The following ZNF423 variants were observed in gnomAD, a reference collection of about 807,000 sequenced individuals.
The protein encoded by ZNF423 is zinc finger protein 423, also known as Ebf-associated zinc finger protein.
In ZNF423, 12 loss-of-function variants were observed where a neutral mutation model predicts 95.8. The ratio of observed to expected loss-of-function variants is 0.13; its 90% confidence interval spans 0.08 to 0.20. The LOEUF is 0.20. Among genes scored for constraint, ZNF423 ranks in the 10% least tolerant of loss-of-function variants. The probability of loss-of-function intolerance (pLI) is 1.00; values close to 1 mark genes in which losing one functional copy is unlikely to be tolerated. For missense variants in ZNF423, 1,316 were observed against 1,737.1 expected (o/e 0.76, Z 4.31); for synonymous variants, 749 against 711.9 (o/e 1.05, Z -0.83).
chr16:49,513,565 T>C (rs1967985913), intron 7 of ZNF423, among the ~76,000 whole-genome samples: 1 of 152,156 alleles, frequency 6.6e-6, no homozygotes, highest in Non-Finnish European at 1.5e-5. Context: ...TTCTTCCTTT[T>C]CCTCCTTTCC....
chr16:49,771,415 G>T (rs2034033321), intron 2 of ZNF423, among the ~76,000 whole-genome samples: 1 of 151,874 alleles, frequency 6.6e-6, no homozygotes, highest in Non-Finnish European at 1.5e-5. Context: ...ATGGTGGCCG[G>T]GCTGGTCTTG....
At chr16:49,646,448 T>TACAC (rs1973170000) in intron 3 of ZNF423, among the ~76,000 whole-genome samples, 2 of 152,176 alleles carry the variant, frequency 1.3e-5, no homozygotes, top group South Asian at 4.2e-4. Flanking sequence ...CATCAGTGTA[T>TACAC]TGAGGGCAAG....
At chr16:49,746,139 T>G (rs549160361) in intron 2 of ZNF423, among the ~76,000 whole-genome samples, 2 of 152,150 alleles carry the variant, frequency 1.3e-5, no homozygotes, top group South Asian at 4.2e-4. Flanking sequence ...CAACTCTGTG[T>G]GGAGGGCATT....
chr16:49,712,126 A>T (rs550181535), intron 3 of ZNF423, among the ~76,000 whole-genome samples: 12 of 152,322 alleles, frequency 7.9e-5, no homozygotes, highest in Admixed American at 1.3e-4. Flanking sequence ...CTATTTAAAA[A>T]AATAATAATA....
chr16:49,715,257 C>T (rs1739154794), intron 3 of ZNF423, among the ~76,000 whole-genome samples: 2 of 152,138 alleles, frequency 1.3e-5, no homozygotes, highest in South Asian at 2.1e-4. Context: ...ATGTGTTTGG[C>T]GTTGAAGGGA....
intron 1 of ZNF423, among the ~76,000 whole-genome samples, chr16:49,832,081 G>C (rs116302903): frequency 6.6e-6 from 1 of 152,118 alleles, no homozygotes. Context: ...CTCCATAAAG[G>C]CACCAAATAT....
intron 5 of ZNF423, among the ~76,000 whole-genome samples, chr16:49,625,000 G>C (rs1972210086): frequency 6.6e-6 from 1 of 152,204 alleles, no homozygotes; most frequent in African/African-American, 2.4e-5. Context: ...CGCAGTAAAG[G>C]GTTTTGTAAA....
At chr16:49,588,226 G>A (rs773170488) in intron 5 of ZNF423, among the ~76,000 whole-genome samples, 1 of 152,200 alleles carries the variant, frequency 6.6e-6, no homozygotes, top group Non-Finnish European at 1.5e-5. Flanking sequence ...TGTACTGGGG[G>A]TCAACTCCTG....
chr16:49,627,742 C>T (rs1972349046), intron 4 of ZNF423, among the ~76,000 whole-genome samples: 1 of 149,610 alleles, frequency 6.7e-6, no homozygotes, highest in Non-Finnish European at 1.5e-5. Context: ...ATCTACCCGC[C>T]CATCCATCTA....
intron 5 of ZNF423, among the ~76,000 whole-genome samples, chr16:49,535,980 A>G (rs1339543695): frequency 1.3e-5 from 2 of 152,224 alleles, no homozygotes; most frequent in Non-Finnish European, 2.9e-5. Context: ...CCAGGGACAC[A>G]TGAATTACCC....
At chr16:49,838,460 A>T (rs776528575) in intron 1 of ZNF423, among the ~76,000 whole-genome samples, 5 of 152,234 alleles carry the variant, frequency 3.3e-5, no homozygotes, top group Admixed American at 2.0e-4. Context: ...AAGTGCGCTC[A>T]GCGGCATTAC....
chr16:49,820,601 T>A lies in ZNF423; in HGVS notation c.41-31055A>T, dbSNP rs537574942. Among the ~76,000 whole-genome samples, 3 of 152,336 alleles carry A rather than the reference T, an allele frequency of 2.0e-5. No homozygotes were observed. In the South Asian group the frequency reaches 6.2e-4, roughly 32 times the overall value. On this transcript the variant is annotated intron_variant, in intron 1 of 7. Transcript: ENST00000563137. ...AATTTTTGCTCTAAAATAGATTTTG[T>A]GTGCACCTTGGTTGGAGTTCAACTC... is the stretch of plus-strand genomic sequence containing the variant.
At chr16:49,520,295 T>C (rs1178829444) in intron 7 of ZNF423, among the ~76,000 whole-genome samples, 2 of 152,234 alleles carry the variant, frequency 1.3e-5, no homozygotes, top group African/African-American at 2.4e-5. Flanking sequence ...TGCAACAGTT[T>C]GTCTAAACTC....
At chr16:49,656,246 G>C (rs1033267382) in intron 3 of ZNF423, among the ~76,000 whole-genome samples, 1 of 152,100 alleles carries the variant, frequency 6.6e-6, no homozygotes, top group Non-Finnish European at 1.5e-5. Flanking sequence ...GCAGTGGCTC[G>C]TGCCTGTAAT....
intron 3 of ZNF423, among the ~76,000 whole-genome samples, chr16:49,668,706 C>CGCTGCAGACCCACAGCCTGCAGGCT (rs2030658303): frequency 6.6e-6 from 1 of 152,130 alleles, no homozygotes; most frequent in African/African-American, 2.4e-5. Flanking sequence ...AACCCACTAA[C>CGCTGCAGACCCACAGCCTGCAGGCT]GCTGCAGACC....
At chr16:49,614,678 T>C (rs1329135430) in intron 5 of ZNF423, among the ~76,000 whole-genome samples, 2 of 152,166 alleles carry the variant, frequency 1.3e-5, no homozygotes, top group East Asian at 3.9e-4. Flanking sequence ...GTACTCTAGT[T>C]TTGCAAGATG....
At chr16:49,690,854 C>T (rs765768790) in intron 3 of ZNF423, among the ~76,000 whole-genome samples, 30 of 152,124 alleles carry the variant, frequency 2.0e-4, no homozygotes, top group Non-Finnish European at 3.5e-4. Context: ...ATGGCAGGCC[C>T]GGGTGGAGTG....
intron 5 of ZNF423, among the ~76,000 whole-genome samples, chr16:49,611,960 A>G (rs1402429169): frequency 6.6e-6 from 1 of 152,102 alleles, no homozygotes; most frequent in Non-Finnish European, 1.5e-5. Flanking sequence ...TATTTTGAAT[A>G]GTCCTATTCT....
intron 5 of ZNF423, among the ~76,000 whole-genome samples, chr16:49,622,833 A>G (rs1488881057): frequency 6.6e-6 from 1 of 152,244 alleles, no homozygotes; most frequent in African/African-American, 2.4e-5. Flanking sequence ...CCTGGCACAT[A>G]GAAAGGCTGA....
Sources: allele counts gnomAD v4.1 joint callset (sites outside exome capture counted in the v4.1 genomes callset), GRCh38; gene constraint gnomAD v4.1.1; transcripts MANE v1.5; gene names NCBI Gene and HGNC (gene_info 2026-07-23, HGNC 2026-07-21).